The following ACSM3 variants were observed in gnomAD, a reference collection of about 807,000 sequenced individuals.
The protein encoded by ACSM3 is acyl-coenzyme A synthetase ACSM3, mitochondrial.
ACSM3 carries 61 observed loss-of-function variants against 74.1 expected under a neutral mutation model. The observed-to-expected ratio is 0.82, with a 90% confidence interval of 0.67 to 1.02. The LOEUF is 1.02. ACSM3 is among the 50% of genes least tolerant of loss of function. The pLI is 0.00. For missense variants in ACSM3, 660 were observed against 697.0 expected (o/e 0.95, Z 0.60); for synonymous variants, 213 against 241.5 (o/e 0.88, Z 1.09).
chr16:20,711,777 T>C (rs2079744849), intron 1 of ACSM3: 1 of 362,012 alleles, frequency 2.8e-6, no homozygotes, highest in Non-Finnish European at 5.4e-6. Flanking sequence ...AGGAACACTG[T>C]GAGTTGATCT....
intron 1 of ACSM3, among the ~76,000 whole-genome samples, chr16:20,705,558 G>A (rs1475750992): frequency 6.6e-6 from 1 of 152,074 alleles, no homozygotes. Context: ...CCAAATCCAT[G>A]GCTGATCCCT....
At chr16:20,781,345 T>C (rs776430096) in intron 6 of ACSM3, among the ~76,000 whole-genome samples, 2 of 152,062 alleles carry the variant, frequency 1.3e-5, no homozygotes, top group Non-Finnish European at 2.9e-5. Context: ...ATATTGAAAA[T>C]ATTTGGGGAG....
At chr16:20,796,182 G>A in intron 12 of ACSM3, 188 bp from the exon 13 acceptor site, 1 of 987,144 alleles carries the variant, frequency 1.0e-6, no homozygotes, top group Non-Finnish European at 1.4e-6. Context: ...AGGGGTCCCA[G>A]AAGCTCTCCT....
At chr16:20,740,579 TTAAAG>T (rs1407673919) in intron 1 of ACSM3, among the ~76,000 whole-genome samples, 4 of 152,358 alleles carry the variant, frequency 2.6e-5, no homozygotes, top group South Asian at 2.1e-4. Context: ...CTAGCCAGTC[TTAAAG>T]TATTCTCTTT....
At chr16:20,685,418 A>T in intron 1 of ACSM3, 2 of 1,612,470 alleles carry the variant, frequency 1.2e-6, no homozygotes, top group Non-Finnish European at 1.7e-6. Flanking sequence ...TCAAGACCAT[A>T]TATTATGTGT....
intron 1 of ACSM3, among the ~76,000 whole-genome samples, chr16:20,724,872 A>G (rs2079799134): frequency 6.6e-6 from 1 of 152,348 alleles, no homozygotes; most frequent in South Asian, 2.1e-4. Context: ...CTGCTCAAGG[A>G]AATAAAAGAG....
intron 1 of ACSM3, among the ~76,000 whole-genome samples, chr16:20,764,965 G>A (rs959880762): frequency 2.6e-5 from 4 of 152,178 alleles, no homozygotes; most frequent in Admixed American, 1.3e-4. Context: ...GTTGGGTTTG[G>A]AGACAACAGC....
At chr16:20,748,996 A>G (rs958987526) in intron 1 of ACSM3, among the ~76,000 whole-genome samples, 49 of 152,122 alleles carry the variant, frequency 3.2e-4, no homozygotes, top group African/African-American at 1.1e-3. Context: ...AGGTTCAATG[A>G]GCCATAATCG....
Position 20,781,804 on chromosome 16 carries a change from A to T in ACSM3, c.1019+17A>T. ...TATAACCAGGTAAGAAATGTTAGTAAATAGGCATCTAGTGGGGAGAGGGGA... is the reference window on the plus strand; with the variant it reads ...TATAACCAGGTAAGAAATGTTAGTATATAGGCATCTAGTGGGGAGAGGGGA... On this transcript the variant is annotated intron_variant, in intron 7 of 13. Transcript: ENST00000289416. 1 of 1,569,006 alleles carries T rather than the reference A, an allele frequency of 6.4e-7. No individual in the cohort carries two copies.
Position 20,777,410 on chromosome 16 carries a change from G to C in ACSM3, c.468G>C (p.Gln156His). 6.2e-7 allele frequency: 1 copy of C among 1,614,048 alleles called. No homozygotes were observed. The highest frequency in any genetic ancestry group is 8.5e-7 in the Non-Finnish European group (1 of 1,179,964). ...TTCCAGGAACCACTCAGCTGACCCA[G>C]AAAGACATTCTCTACAGACTACAAT... ...VLIPGTTQLT[Q>H]KDILYRLQSS... The change falls in exon 4 of 14, where the codon CAG (glutamine) becomes CAC (histidine). Residue 156 changes from glutamine (Q) to histidine (H), a missense_variant. Coordinates refer to ENST00000289416, the MANE Select transcript of ACSM3 (RefSeq NM_005622.4).
In ACSM3 at chr16:20,780,802, A is replaced by G; in HGVS notation, c.727A>G (p.Lys243Glu). 6.2e-7 allele frequency: 1 copy of G among 1,614,254 alleles called. No individual in the cohort carries two copies. The highest frequency in any genetic ancestry group is 8.5e-7 in the Non-Finnish European group (1 of 1,180,044). Residue 243 changes from lysine to glutamate, a missense_variant, in exon 5 of 14, where the codon AAA (lysine) becomes GAA (glutamate). Transcript: ENST00000289416. ...FFTSGTSGYP[K>E]MTAHTHSSFG... is the part of the protein sequence containing the mutation. ...TACCAGTGGAACAAGTGGATATCCGAAAATGACTGCACACACCCACAGCAG... is the reference window on the plus strand; with the variant it reads ...TACCAGTGGAACAAGTGGATATCCGGAAATGACTGCACACACCCACAGCAG...
chr16:20,709,176 C>G (rs1173690393), intron 1 of ACSM3, among the ~76,000 whole-genome samples: 3 of 152,162 alleles, frequency 2.0e-5, no homozygotes, highest in Non-Finnish European at 4.4e-5. Context: ...GGCGTCAACC[C>G]AGGAGGCGGA....
At chr16:20,728,126 A>G (rs1032675843) in intron 1 of ACSM3, 9 of 259,272 alleles carry the variant, frequency 3.5e-5, no homozygotes, top group African/African-American at 2.1e-4. Flanking sequence ...CAGAAAATGA[A>G]TTTTTGTCTA....
chr16:20,777,241 A>G, intron 3 of ACSM3, 132 bp from the exon 4 acceptor site: 1 of 845,730 alleles, frequency 1.2e-6, no homozygotes, highest in Non-Finnish European at 1.8e-6. Flanking sequence ...AAAGCAAGAT[A>G]AATAGATATC....
intron 1 of ACSM3, among the ~76,000 whole-genome samples, chr16:20,699,428 G>A (rs931917058): frequency 1.1e-4 from 17 of 152,174 alleles, no homozygotes; most frequent in Non-Finnish European, 1.8e-4. Flanking sequence ...TGACAGGACC[G>A]TGTGGCAAGC....
chr16:20,705,505 G>C (rs2079724630), intron 1 of ACSM3, among the ~76,000 whole-genome samples: 1 of 152,102 alleles, frequency 6.6e-6, no homozygotes, highest in Non-Finnish European at 1.5e-5. Flanking sequence ...AATTTCAAGA[G>C]AGAGAGAGAA....
intron 2 of ACSM3, chr16:20,755,530 G>A (rs2152437141): frequency 6.6e-6 from 1 of 152,008 alleles, no homozygotes; most frequent in African/African-American, 2.4e-5. Flanking sequence ...AAGCTTGGTG[G>A]ATGGTATGAT....
At chr16:20,782,212 C>T (rs569292885) in intron 7 of ACSM3, among the ~76,000 whole-genome samples, 6 of 152,236 alleles carry the variant, frequency 3.9e-5, no homozygotes, top group African/African-American at 9.6e-5. Context: ...AAACAACCCC[C>T]GTTTCTCTTT....
chr16:20,690,658 A>G (rs965089684), intron 1 of ACSM3, among the ~76,000 whole-genome samples: 11 of 152,342 alleles, frequency 7.2e-5, no homozygotes, highest in Middle Eastern at 6.8e-3. Flanking sequence ...CCATTCACTG[A>G]AGATGAGAAC....
Sources: gnomAD v4.1 joint callset for allele counts (sites outside exome capture counted in the v4.1 genomes callset) on GRCh38, gnomAD v4.1.1 for gene constraint, MANE v1.5 for transcripts, NCBI Gene and HGNC (gene_info 2026-07-23, HGNC 2026-07-21) for gene names.